ATRNL1: variants seen among roughly 807,000 people sequenced by gnomAD.
ATRNL1 encodes attractin like 1.
In ATRNL1, 95 loss-of-function variants were observed where a neutral mutation model predicts 182.7. The observed-to-expected ratio is 0.52, with a 90% CI of 0.44 to 0.62. The LOEUF is 0.62. ATRNL1 is among the 20% of genes least tolerant of loss of function. The pLI, the probability that ATRNL1 is intolerant of heterozygous loss-of-function variation, is 0.00. For missense variants in ATRNL1, 1,471 were observed against 1,679.5 expected (o/e 0.88, Z 2.17); for synonymous variants, 576 against 568.3 (o/e 1.01, Z -0.19).
Position 115,364,061 on chromosome 10 carries a change from C to A in ATRNL1, c.3175+29642C>A, listed in dbSNP as rs1447537298. Among the ~76,000 whole-genome samples, 167 of 150,576 alleles carry A rather than the reference C, an allele frequency of 1.1e-3. 1 individual carries two copies. Among genetic ancestry groups the A allele is most frequent in the Non-Finnish European group, 1.7e-3 (113 of 67,284 alleles). ...TTTTTTCCAATTCTGTGAAGAAAGT[C>A]ATTGGTAGCTTGATGGGGATGGCAT... On this transcript the variant is annotated intron_variant, in intron 19 of 28. Coordinates refer to ENST00000355044, the MANE Select transcript of ATRNL1 (RefSeq NM_207303.4).
chr10:115,372,813 C>A (rs1408538665), intron 19 of ATRNL1, among the ~76,000 whole-genome samples: 3 of 152,096 alleles, frequency 2.0e-5, no homozygotes, highest in African/African-American at 7.2e-5. Flanking sequence ...TGTGATGCCT[C>A]CAGCTTCGTT....
intron 19 of ATRNL1, among the ~76,000 whole-genome samples, chr10:115,344,504 G>A (rs1318936922): frequency 1.3e-5 from 2 of 152,104 alleles, no homozygotes; most frequent in Admixed American, 6.5e-5. Context: ...ATGCTGCCTG[G>A]CCTGGGACTC....
At chr10:115,096,816 A>G (rs2085022990) in intron 1 of ATRNL1, 4 of 1,165,434 alleles carry the variant, frequency 3.4e-6, no homozygotes, top group Non-Finnish European at 3.2e-6. Context: ...ACTCAGAATA[A>G]CAAGCCATTC....
chr10:115,768,669 A>C (rs1378957342), intron 27 of ATRNL1, among the ~76,000 whole-genome samples: 1 of 152,118 alleles, frequency 6.6e-6, no homozygotes, highest in Non-Finnish European at 1.5e-5. Context: ...GACATTGCCA[A>C]GTAGGTGTTT....
At chr10:115,751,023 A>G (rs1252800191) in intron 27 of ATRNL1, among the ~76,000 whole-genome samples, 1 of 152,030 alleles carries the variant, frequency 6.6e-6, no homozygotes, top group Non-Finnish European at 1.5e-5. Flanking sequence ...CACATGGCAA[A>G]AGAGATTTTG....
chr10:115,621,878 GA>G (rs781985738), intron 26 of ATRNL1, among the ~76,000 whole-genome samples: 1 of 152,150 alleles, frequency 6.6e-6, no homozygotes, highest in Non-Finnish European at 1.5e-5. Context: ...CTTCATAAGA[GA>G]AATGCGGGTT....
chr10:115,413,562 T>TC (rs1205452073), intron 20 of ATRNL1, among the ~76,000 whole-genome samples: 10 of 152,136 alleles, frequency 6.6e-5, no homozygotes, highest in Non-Finnish European at 4.4e-5. Context: ...CCTGTTTTTT[T>TC]CCCAATGATT....
intron 27 of ATRNL1, among the ~76,000 whole-genome samples, chr10:115,773,093 T>C (rs1555076868): frequency 6.6e-6 from 1 of 152,124 alleles, no homozygotes; most frequent in Non-Finnish European, 1.5e-5. Flanking sequence ...AAGAGGGACT[T>C]TACTATGAGA....
intron 8 of ATRNL1, among the ~76,000 whole-genome samples, chr10:115,195,125 T>G (rs1393632705): frequency 6.6e-6 from 1 of 152,090 alleles, no homozygotes; most frequent in African/African-American, 2.4e-5. Context: ...ACTACAGATA[T>G]GAGTGCTTTA....
intron 21 of ATRNL1, among the ~76,000 whole-genome samples, chr10:115,436,260 A>G (rs1846401793): frequency 6.6e-6 from 1 of 152,104 alleles, no homozygotes; most frequent in South Asian, 2.1e-4. Flanking sequence ...AGTGATTTTG[A>G]GCTATTATGA....
At chr10:115,455,449 C>G (rs1379899405) in intron 21 of ATRNL1, among the ~76,000 whole-genome samples, 1 of 152,144 alleles carries the variant, frequency 6.6e-6, no homozygotes, top group African/African-American at 2.4e-5. Flanking sequence ...AAAACTGAAA[C>G]TGGACCCCTT....
intron 20 of ATRNL1, among the ~76,000 whole-genome samples, chr10:115,400,509 G>A (rs989971189): frequency 6.6e-6 from 1 of 151,994 alleles, no homozygotes; most frequent in Non-Finnish European, 1.5e-5. Flanking sequence ...TTAATTTTCT[G>A]TCTCAGTGAT....
intron 27 of ATRNL1, 110 bp downstream of exon 27, chr10:115,727,465 T>TGACAA: frequency 1.2e-6 from 1 of 804,798 alleles, no homozygotes; most frequent in Non-Finnish European, 2.0e-6. Context: ...TATCTACAGT[T>TGACAA]GACAAGATTC....
intron 25 of ATRNL1, among the ~76,000 whole-genome samples, chr10:115,538,656 T>G (rs1852180009): frequency 6.6e-6 from 1 of 152,226 alleles, no homozygotes; most frequent in Non-Finnish European, 1.5e-5. Context: ...TGTCTTTTCA[T>G]TCTCTTAACA....
intron 9 of ATRNL1, among the ~76,000 whole-genome samples, chr10:115,235,520 AT>A (rs1295374633): frequency 2.5e-4 from 38 of 149,518 alleles, no homozygotes; most frequent in East Asian, 1.4e-3. Flanking sequence ...ACTTATTGTA[AT>A]TTTTTTTTTC....
chr10:115,841,878 G>A (rs78118976), intron 27 of ATRNL1, among the ~76,000 whole-genome samples: 2,492 of 152,062 alleles, frequency 0.016, 82 homozygotes, highest in African/African-American at 0.057. Context: ...GATTAGCTGC[G>A]AGCCAAGTCA....
intron 26 of ATRNL1, among the ~76,000 whole-genome samples, chr10:115,680,134 T>C (rs1268540781): frequency 6.6e-6 from 1 of 152,170 alleles, no homozygotes; most frequent in Non-Finnish European, 1.5e-5. Flanking sequence ...AGCAGCGCTC[T>C]ACTCCTGATA....
chr10:115,438,908 G>A (rs576076497), intron 21 of ATRNL1, among the ~76,000 whole-genome samples: 2 of 151,808 alleles, frequency 1.3e-5, no homozygotes, highest in Admixed American at 6.6e-5. Context: ...CACCAACCCC[G>A]CATGTAGTCG....
At chr10:115,209,131 A>T (rs1554894422) in intron 8 of ATRNL1, among the ~76,000 whole-genome samples, 1 of 151,916 alleles carries the variant, frequency 6.6e-6, no homozygotes, top group Non-Finnish European at 1.5e-5. Context: ...CTCAAAAACC[A>T]GAAAAAATAT....
Sources: allele counts gnomAD v4.1 joint callset (sites outside exome capture counted in the v4.1 genomes callset), GRCh38; gene constraint gnomAD v4.1.1; transcripts MANE v1.5; gene names NCBI Gene and HGNC (gene_info 2026-07-23, HGNC 2026-07-21).